Variants in PALB2 observed in about 807,000 individuals in gnomAD.
PALB2 encodes the protein mutant partner and localizer of BRCA2.
In PALB2, 82 loss-of-function variants were observed where a neutral mutation model predicts 107.4. The ratio of observed to expected loss-of-function variants is 0.76; its 90% CI spans 0.64 to 0.92. The LOEUF (loss-of-function observed/expected upper bound fraction) is 0.92. Ranked by LOEUF, PALB2 falls within the 40% of genes least tolerant of loss-of-function variation. The pLI is 0.00. For synonymous variants in PALB2, 489 were observed against 496.8 expected (o/e 0.98, Z 0.21); for missense variants, 1,374 against 1,379.9 (o/e 1.00, Z 0.07).
intron 10 of PALB2, among the ~76,000 whole-genome samples, chr16:23,614,823 TG>T (rs1438213966): frequency 6.6e-6 from 1 of 151,274 alleles, no homozygotes; most frequent in Non-Finnish European, 1.5e-5. Context: ...GCTAATTTTT[TG>T]TATTTTTAGT....
chr16:23,624,146 T>A (rs2142345235), intron 7 of PALB2, 52 bp from the exon 8 acceptor site: 3 of 1,351,330 alleles, frequency 2.2e-6, no homozygotes, highest in Non-Finnish European at 3.2e-6. Context: ...CATTTTTGTT[T>A]AATCCAGATT....
chr16:23,608,801 T>C (rs186656308), intron 11 of PALB2, among the ~76,000 whole-genome samples: 16,503 of 143,378 alleles, frequency 0.12, 1,092 homozygotes, highest in African/African-American at 0.17. Context: ...TGTATATATA[T>C]ACACACACAC....
intron 7 of PALB2, among the ~76,000 whole-genome samples, chr16:23,625,281 C>T (rs1403741026): frequency 6.6e-6 from 1 of 151,874 alleles, no homozygotes; most frequent in Non-Finnish European, 1.5e-5. Flanking sequence ...TGCAGTAAGC[C>T]AAGATCGCCC....
intron 6 of PALB2, 65 bp downstream of exon 6, chr16:23,629,139 C>G: frequency 8.0e-7 from 1 of 1,246,790 alleles, no homozygotes; most frequent in Non-Finnish European, 1.2e-6. Flanking sequence ...TGACTGAATT[C>G]TTTTCAGTTC....
intron 10 of PALB2, among the ~76,000 whole-genome samples, chr16:23,619,185 G>A (rs1966732016): frequency 6.6e-6 from 1 of 152,118 alleles, no homozygotes; most frequent in African/African-American, 2.4e-5. Context: ...AGGCTTCTGA[G>A]AAAAGAAAAA....
chr16:23,609,812 G>T (rs546054), intron 11 of PALB2, among the ~76,000 whole-genome samples: 14,292 of 152,064 alleles, frequency 0.094, 854 homozygotes, highest in East Asian at 0.17. Flanking sequence ...CACCGCGCCT[G>T]GCCACCCAAC....
chr16:23,635,323 T>C lies in PALB2; in HGVS notation c.1223A>G (p.Tyr408Cys), dbSNP rs779251679. ...CATGCTTCGTGTTGTTCTAACATAATATTCTGCAGGAAACAGAAGGCCTTC... is the reference window on the plus strand; with the variant it reads ...CATGCTTCGTGTTGTTCTAACATAACATTCTGCAGGAAACAGAAGGCCTTC... ...VPEGLLFPAE[Y>C]YVRTTRSMSN... The change falls in exon 4 of 13, where the codon TAT becomes TGT. Residue 408 changes from tyrosine (Y) to cysteine (C), a missense_variant. By Grantham distance (194) the Tyr-to-Cys change is radical. Coordinates refer to ENST00000261584, the MANE Select transcript of PALB2 (RefSeq NM_024675.4). 2.5e-6 allele frequency: 4 copies of C among 1,614,102 alleles called. No homozygotes were observed. The highest frequency in any genetic ancestry group is 3.4e-6 in the Non-Finnish European group (4 of 1,180,032).
At chr16:23,620,649 G>A (rs1190714512) in intron 10 of PALB2, among the ~76,000 whole-genome samples, 2 of 152,214 alleles carry the variant, frequency 1.3e-5, no homozygotes, top group African/African-American at 4.8e-5. Context: ...ACCAAAAGCA[G>A]AAAGAAGTGT....
chr16:23,639,517 G>GAAAAA (rs1186283940), intron 1 of PALB2, among the ~76,000 whole-genome samples: 1 of 43,764 alleles, frequency 2.3e-5, no homozygotes, highest in Non-Finnish European at 4.4e-5. Flanking sequence ...GACTCTGCTT[G>GAAAAA]AAAAAAAAAA....
rs746117401 is a variant in PALB2 at position 23,629,881 on chromosome 16, G to A, written c.2273C>T (p.Pro758Leu). ...TEVAGRTCCTPQLAHLKDSVC... is the reference protein window; with the variant it reads ...TEVAGRTCCTLQLAHLKDSVC... ...TGAGTCTTTCAAATGAGCAAGTTGG[G>A]GTGTGCAGCAAGTTCGTCCAGCAAC... The change falls in exon 5 of 13, where the codon CCC (proline) becomes CTC (leucine). Residue 758 changes from proline (P) to leucine (L), a missense_variant. Pro to Leu is a moderately conservative substitution (Grantham distance 98, BLOSUM62 -3). Transcript: ENST00000261584. 10 of 1,614,022 alleles carry A rather than the reference G, an allele frequency of 6.2e-6. No individual in the cohort carries two copies. Among genetic ancestry groups the A allele is most frequent in the East Asian group, 2.2e-5 (1 of 44,890 alleles).
At chr16:23,608,795 T>TACACACACACACACACACAC (rs1421547760) in intron 11 of PALB2, among the ~76,000 whole-genome samples, 32 of 113,298 alleles carry the variant, frequency 2.8e-4, no homozygotes, top group Admixed American at 8.3e-4. Context: ...TATGTGTGTA[T>TACACACACACACACACACAC]ATATATACAC....
At chr16:23,636,511 A>G (rs1321741061) in intron 3 of PALB2, among the ~76,000 whole-genome samples, 177 bp from the exon 4 acceptor site, 1 of 152,156 alleles carries the variant, frequency 6.6e-6, no homozygotes, top group Non-Finnish European at 1.5e-5. Context: ...TTAGGCTGTG[A>G]GTAGTAAGGT....
intron 12 of PALB2, among the ~76,000 whole-genome samples, chr16:23,606,582 G>A (rs917609581): frequency 6.6e-6 from 1 of 152,192 alleles, no homozygotes. Flanking sequence ...CTGCAGTGCA[G>A]TGGTACAATC....
rs2142375997 is a variant in PALB2 at position 23,629,849 on chromosome 16, G to A, written c.2305C>T (p.Leu769Phe). The change falls in exon 5 of 13, where the codon CTT becomes TTT. Residue 769 changes from leucine (L) to phenylalanine (F), a missense_variant. Transcript: ENST00000261584. Reference protein sequence around the residue: ...QLAHLKDSVCLASDTKQFDSS... With the variant: ...QLAHLKDSVCFASDTKQFDSS... The stretch of plus-strand genomic sequence containing the variant: ...TCGAATTGTTTAGTATCACTGGCAA[G>A]ACAGACTGAGTCTTTCAAATGAGCA... 6.2e-7 allele frequency: 1 copy of A among 1,614,178 alleles called. No homozygotes were observed. Among genetic ancestry groups the A allele is most frequent in the Non-Finnish European group, 8.5e-7 (1 of 1,180,026 alleles).
At position 23,635,320 on chromosome 16, in the gene PALB2, T is replaced by C. The variant is rs878855097; in HGVS notation, c.1226A>G (p.Tyr409Cys). Residue 409 changes from tyrosine (Y) to cysteine (C), a missense_variant, in exon 4 of 13, where the codon TAT becomes TGT. By Grantham distance (194) the Tyr-to-Cys change is radical (BLOSUM62 -2). Coordinates refer to ENST00000261584, the MANE Select transcript of PALB2 (RefSeq NM_024675.4). ...GGACATGCTTCGTGTTGTTCTAACA[T>C]AATATTCTGCAGGAAACAGAAGGCC... is the stretch of plus-strand genomic sequence containing the variant. ...PEGLLFPAEY[Y>C]VRTTRSMSNC... The C allele has an allele frequency of 5.6e-6, 9 of 1,614,132 alleles. No homozygotes were observed. The South Asian group carries it at 6.6e-5, about 12-fold the overall frequency.
chr16:23,636,371 C>T (rs1429552065), intron 3 of PALB2, 37 bp from the exon 4 acceptor site: 2 of 1,391,386 alleles, frequency 1.4e-6, no homozygotes, highest in Non-Finnish European at 1.9e-6. Flanking sequence ...TTATATTTTT[C>T]TTATAAAATA....
At chr16:23,620,613 G>A (rs1966755800) in intron 10 of PALB2, among the ~76,000 whole-genome samples, 1 of 152,196 alleles carries the variant, frequency 6.6e-6, no homozygotes, top group Non-Finnish European at 1.5e-5. Flanking sequence ...TAGACAGTTG[G>A]TCTGACAGAA....
chr16:23,639,515 T>C (rs171619), intron 1 of PALB2, among the ~76,000 whole-genome samples: 40,861 of 129,670 alleles, frequency 0.32, 6,942 homozygotes, highest in East Asian at 0.48. Context: ...GAGACTCTGC[T>C]TGAAAAAAAA....
Position 23,614,034 on chromosome 16 carries a change from A to T in PALB2, c.3171T>A (p.Ala1057=). The change falls in exon 11 of 13, where the codon GCT becomes GCA. Residue 1057 remains alanine, a synonymous_variant. Transcript: ENST00000261584. Reference sequence around the variant, plus strand: ...CAGAATAGGCTTTGTGACAGACTGAAGCTTGGTAAGAATCATCAATGTGCA... The same window carrying T: ...CAGAATAGGCTTTGTGACAGACTGATGCTTGGTAAGAATCATCAATGTGCA... ...KKMHIDDSYQ[A]SVCHKAYSEM... The T allele has an allele frequency of 6.2e-7, 1 of 1,613,778 alleles. No individual in the cohort carries two copies. The highest frequency in any genetic ancestry group is 1.6e-4 in the Middle Eastern group (1 of 6,062).
Sources: allele counts gnomAD v4.1 joint callset (sites outside exome capture counted in the v4.1 genomes callset), GRCh38; gene constraint gnomAD v4.1.1; transcripts MANE v1.5; gene names NCBI Gene and HGNC (gene_info 2026-07-23, HGNC 2026-07-21).